The following FUT9 variants were observed in gnomAD, a reference collection of about 807,000 sequenced individuals.
FUT9 encodes the protein 4-galactosyl-N-acetylglucosaminide 3-alpha-L-fucosyltransferase 9.
FUT9 carries 15 observed loss-of-function variants against 29.7 expected under a neutral mutation model. The observed-to-expected ratio is 0.51, with a 90% CI of 0.34 to 0.78. The LOEUF is 0.78. FUT9 is among the 30% of genes least tolerant of loss of function. The pLI is 0.01. For missense variants in FUT9, 319 were observed against 425.4 expected, an observed-to-expected ratio of 0.75 and a Z score of 2.20; for synonymous variants, 169 against 153.7, an observed-to-expected ratio of 1.10 and a Z score of -0.74.
intron 1 of FUT9, among the ~76,000 whole-genome samples, chr6:96,098,889 C>T (rs140957581): frequency 1.3e-3 from 204 of 152,182 alleles, no homozygotes; most frequent in African/African-American, 4.7e-3. Flanking sequence ...TGTAACTTTT[C>T]CCTGAGATAC....
At chr6:96,192,448 C>T (rs1319823472) in intron 2 of FUT9, among the ~76,000 whole-genome samples, 2 of 152,116 alleles carry the variant, frequency 1.3e-5, no homozygotes, top group Non-Finnish European at 2.9e-5. Flanking sequence ...AACTCCCATT[C>T]ACAATTGCTT....
At chr6:96,117,528 G>A (rs934597581) in intron 2 of FUT9, among the ~76,000 whole-genome samples, 9 of 152,248 alleles carry the variant, frequency 5.9e-5, no homozygotes, top group African/African-American at 2.2e-4. Flanking sequence ...CAGTTTAGAG[G>A]TTTCTGTATA....
intron 1 of FUT9, among the ~76,000 whole-genome samples, chr6:96,059,476 A>G (rs994802156): frequency 6.6e-6 from 1 of 152,224 alleles, no homozygotes; most frequent in Admixed American, 6.5e-5. Flanking sequence ...TGTATGTGGC[A>G]GAAGGATGAT....
chr6:96,113,940 T>C (rs1388958915), intron 1 of FUT9, 99 bp from the exon 2 acceptor site: 1 of 152,096 alleles, frequency 6.6e-6, no homozygotes, highest in Non-Finnish European at 1.5e-5. Flanking sequence ...GTTTTTAGCA[T>C]GCATTATTTC....
rs1582307964 is a variant in FUT9 at position 96,203,139 on chromosome 6, A to G, written c.-8-9A>G. The stretch of plus-strand genomic sequence containing the variant: ...GCTACCTCCCCTTCTGTCTTTCTCT[A>G]TTTCGTAGGAAAAATTATGACATCA... On this transcript the variant is annotated splice_polypyrimidine_tract_variant and intron_variant, in intron 2 of 2. Coordinates refer to ENST00000302103, the MANE Select transcript of FUT9 (RefSeq NM_006581.4). 7 of 1,573,060 alleles carry G rather than the reference A, an allele frequency of 4.4e-6. No homozygotes were observed. Among genetic ancestry groups the G allele is most frequent in the South Asian group, 1.1e-5 (1 of 87,306 alleles).
At chr6:96,109,126 C>T (rs770246577) in intron 1 of FUT9, among the ~76,000 whole-genome samples, 4 of 152,198 alleles carry the variant, frequency 2.6e-5, no homozygotes, top group African/African-American at 7.2e-5. Context: ...TCATAAACAG[C>T]ACATAGTACT....
chr6:96,196,754 C>T (rs997899044), intron 2 of FUT9, among the ~76,000 whole-genome samples: 5 of 152,022 alleles, frequency 3.3e-5, no homozygotes, highest in African/African-American at 1.2e-4. Context: ...AGAAATCCAG[C>T]AAGACCAGTC....
chr6:96,166,237 T>C (rs1316604560), intron 2 of FUT9, among the ~76,000 whole-genome samples: 1 of 152,176 alleles, frequency 6.6e-6, no homozygotes, highest in African/African-American at 2.4e-5. Flanking sequence ...CTGAAATCTT[T>C]CAGGTAATTA....
At chr6:96,183,779 C>A (rs1379032090) in intron 2 of FUT9, among the ~76,000 whole-genome samples, 1 of 152,002 alleles carries the variant, frequency 6.6e-6, no homozygotes, top group Admixed American at 6.6e-5. Context: ...ATCCCTGCAT[C>A]CCTGGTATGA....
chr6:96,130,839 CTT>C (rs1280195830), intron 2 of FUT9, among the ~76,000 whole-genome samples: 2 of 152,162 alleles, frequency 1.3e-5, no homozygotes, highest in African/African-American at 4.8e-5. Context: ...TTGCTTTTCT[CTT>C]TACTGTGGCA....
intron 2 of FUT9, among the ~76,000 whole-genome samples, chr6:96,166,480 C>G (rs10872765): frequency 0.16 from 24,385 of 152,188 alleles, 2,173 homozygotes; most frequent in African/African-American, 0.19. Flanking sequence ...TTTGAACAAT[C>G]TGTTTTTTAA....
At chr6:96,151,576 T>C (rs1025710452) in intron 2 of FUT9, among the ~76,000 whole-genome samples, 33 of 152,166 alleles carry the variant, frequency 2.2e-4, no homozygotes, top group African/African-American at 8.0e-4. Flanking sequence ...TCAGAGTACA[T>C]CTATATGCTA....
At chr6:96,130,703 T>C (rs1415454922) in intron 2 of FUT9, among the ~76,000 whole-genome samples, 1 of 152,232 alleles carries the variant, frequency 6.6e-6, no homozygotes, top group Non-Finnish European at 1.5e-5. Flanking sequence ...ATTTGTTTTC[T>C]TTGACACAAT....
chr6:96,039,074 C>T (rs1030878111), intron 1 of FUT9, among the ~76,000 whole-genome samples: 1 of 152,112 alleles, frequency 6.6e-6, no homozygotes, highest in South Asian at 2.1e-4. Flanking sequence ...GCCCTTCTTT[C>T]TGCATTGAAT....
At chr6:96,031,244 A>G (rs1311316533) in intron 1 of FUT9, among the ~76,000 whole-genome samples, 1 of 151,506 alleles carries the variant, frequency 6.6e-6, no homozygotes, top group Non-Finnish European at 1.5e-5. Flanking sequence ...TATGTGTGTA[A>G]ACAACCTAAT....
At chr6:96,083,033 T>C (rs1188703164) in intron 1 of FUT9, among the ~76,000 whole-genome samples, 1 of 152,040 alleles carries the variant, frequency 6.6e-6, no homozygotes, top group Non-Finnish European at 1.5e-5. Context: ...GTTCTCTGTT[T>C]TACTTTTGTC....
chr6:96,030,686 T>C (rs1770246254), intron 1 of FUT9, among the ~76,000 whole-genome samples: 1 of 151,538 alleles, frequency 6.6e-6, no homozygotes, highest in Admixed American at 6.6e-5. Context: ...AATATTTAAG[T>C]GTGAATGAAT....
At chr6:96,032,268 A>T (rs1195281016) in intron 1 of FUT9, among the ~76,000 whole-genome samples, 1 of 151,626 alleles carries the variant, frequency 6.6e-6, no homozygotes, top group African/African-American at 2.4e-5. Context: ...AATGGCTGCT[A>T]GGAAGCTCAG....
intron 2 of FUT9, among the ~76,000 whole-genome samples, chr6:96,165,728 G>A (rs1452576350): frequency 1.3e-5 from 2 of 151,980 alleles, no homozygotes; most frequent in Non-Finnish European, 2.9e-5. Context: ...CCATTCTTGT[G>A]CCTCAGCCTC....
Sources: allele counts gnomAD v4.1 joint callset (sites outside exome capture counted in the v4.1 genomes callset), GRCh38; gene constraint gnomAD v4.1.1; transcripts MANE v1.5; gene names NCBI Gene and HGNC (gene_info 2026-07-23, HGNC 2026-07-21).